TMEM178B: variants seen among roughly 807,000 people sequenced by gnomAD.
TMEM178B encodes transmembrane protein 178B.
In TMEM178B, 5 loss-of-function variants were observed where a neutral mutation model predicts 31.0. The ratio of observed to expected loss-of-function variants is 0.16; its 90% confidence interval spans 0.08 to 0.34. The LOEUF (loss-of-function observed/expected upper bound fraction) is 0.34, where lower values mean the gene tolerates loss of function less well. TMEM178B is among the 10% of genes least tolerant of loss of function. TMEM178B has a pLI of 1.00. For missense variants in TMEM178B, 275 were observed against 400.3 expected, an observed-to-expected ratio of 0.69 and a Z score of 2.67; for synonymous variants, 164 against 164.0, an observed-to-expected ratio of 1.00 and a Z score of 0.00.
chr7:141,383,904 G>A lies in TMEM178B; in HGVS notation c.497-53704G>A, dbSNP rs562519424. 2.2e-3 allele frequency among the ~76,000 whole-genome samples: 328 copies of A among 152,170 alleles called. 3 individuals carry two copies. The highest frequency in any genetic ancestry group is 7.6e-3 in the African/African-American group (317 of 41,528). On this transcript the variant is annotated intron_variant, in intron 2 of 3. Coordinates refer to ENST00000565468, the MANE Select transcript of TMEM178B (RefSeq NM_001195278.2). ...GTTGTTTCCTGACTTTTTAATGATC[G>A]CCATTCTAACTGGTGTGAGATGGTA...
chr7:141,330,421 C>T (rs529610094), intron 2 of TMEM178B, among the ~76,000 whole-genome samples: 3 of 152,272 alleles, frequency 2.0e-5, no homozygotes, highest in Non-Finnish European at 2.9e-5. Flanking sequence ...TAATGACTTC[C>T]GGCTCCATCC....
rs919420332 is a variant in TMEM178B, at chr7:141,479,769, A to C, written c.*8983A>C. The C allele has an allele frequency of 3.9e-5, 6 of 152,226 alleles. No individual in the cohort carries two copies. 9.4% of individuals were successfully genotyped at this position (152,226 alleles called of 1,614,324 possible). ...TTTATGGCCCACCAGATTATTGCTCAGTCAATATAAATTTATTTACCTTTA... is the reference window on the plus strand; with the variant it reads ...TTTATGGCCCACCAGATTATTGCTCCGTCAATATAAATTTATTTACCTTTA... On this transcript the variant is annotated 3_prime_UTR_variant, in exon 4 of 4. Coordinates refer to ENST00000565468, the MANE Select transcript of TMEM178B (RefSeq NM_001195278.2).
intron 3 of TMEM178B, among the ~76,000 whole-genome samples, chr7:141,462,367 G>A (rs1306560312): frequency 2.6e-5 from 4 of 152,062 alleles, no homozygotes; most frequent in African/African-American, 7.2e-5. Context: ...TGAATATACC[G>A]TGCCCCTGGG....
At chr7:141,316,021 G>A (rs1051311000) in intron 2 of TMEM178B, among the ~76,000 whole-genome samples, 3 of 152,124 alleles carry the variant, frequency 2.0e-5, no homozygotes, top group African/African-American at 7.2e-5. Flanking sequence ...CTAAAGACAT[G>A]TCAGCTCATT....
intron 2 of TMEM178B, among the ~76,000 whole-genome samples, chr7:141,257,635 G>A (rs913719859): frequency 2.0e-5 from 3 of 152,170 alleles, no homozygotes; most frequent in Non-Finnish European, 4.4e-5. Context: ...CTCAGCTCTT[G>A]ATATGTGTGC....
chr7:141,272,315 A>G (rs977129008), intron 2 of TMEM178B, among the ~76,000 whole-genome samples: 1 of 152,226 alleles, frequency 6.6e-6, no homozygotes, highest in African/African-American at 2.4e-5. Flanking sequence ...GCAGGAATGC[A>G]TCTCACTGAA....
intron 2 of TMEM178B, among the ~76,000 whole-genome samples, chr7:141,407,398 T>C (rs918839561): frequency 2.6e-5 from 4 of 152,238 alleles, no homozygotes; most frequent in African/African-American, 9.6e-5. Context: ...TAACTATGCT[T>C]CTTCTTTGTA....
At chr7:141,093,841 G>A (rs905215006) in intron 1 of TMEM178B, among the ~76,000 whole-genome samples, 1 of 152,140 alleles carries the variant, frequency 6.6e-6, no homozygotes, top group African/African-American at 2.4e-5. Context: ...CTTGAATTTT[G>A]GATTTCACAA....
chr7:141,464,453 C>T lies in TMEM178B; in HGVS notation c.635-6083C>T, dbSNP rs190600934. Among the ~76,000 whole-genome samples, 745 of 152,284 alleles carry T rather than the reference C, an allele frequency of 4.9e-3. 8 individuals carry two copies. The highest frequency in any genetic ancestry group is 0.017 in the African/African-American group (721 of 41,550). On this transcript the variant is annotated intron_variant, in intron 3 of 3. Coordinates refer to ENST00000565468, the MANE Select transcript of TMEM178B (RefSeq NM_001195278.2). ...GATAACAAACTCAGGTCTCTTCACC[C>T]TCAGTCTGATACTATTTTCACTTCA...
intron 2 of TMEM178B, among the ~76,000 whole-genome samples, chr7:141,251,687 T>C (rs1797836150): frequency 6.6e-6 from 1 of 152,178 alleles, no homozygotes; most frequent in African/African-American, 2.4e-5. Context: ...TTACCCCAGG[T>C]ATACTTTATC....
At chr7:141,115,065 C>T (rs1461673018) in intron 1 of TMEM178B, among the ~76,000 whole-genome samples, 6 of 151,832 alleles carry the variant, frequency 4.0e-5, no homozygotes, top group African/African-American at 1.5e-4. Flanking sequence ...GTGTTTGTGA[C>T]AGAGTCTCGC....
intron 1 of TMEM178B, among the ~76,000 whole-genome samples, chr7:141,134,532 C>T (rs1795644038): frequency 6.6e-6 from 1 of 152,002 alleles, no homozygotes; most frequent in Admixed American, 6.6e-5. Flanking sequence ...AGAGCAGACA[C>T]ATAATGGGAA....
intron 2 of TMEM178B, among the ~76,000 whole-genome samples, chr7:141,428,179 C>T (rs1308348815): frequency 6.6e-6 from 1 of 151,846 alleles, no homozygotes; most frequent in Admixed American, 6.6e-5. Flanking sequence ...GCCTGACCAA[C>T]ATGGAGAAAC....
intron 1 of TMEM178B, among the ~76,000 whole-genome samples, chr7:141,093,729 G>A (rs571612568): frequency 2.0e-5 from 3 of 152,340 alleles, no homozygotes; most frequent in African/African-American, 7.2e-5. Flanking sequence ...ATTCGGGAAA[G>A]TGTGCTGTCC....
chr7:141,259,987 G>A (rs998262296), intron 2 of TMEM178B, among the ~76,000 whole-genome samples: 2 of 152,150 alleles, frequency 1.3e-5, no homozygotes, highest in Admixed American at 6.5e-5. Flanking sequence ...CTGAGTGTGA[G>A]CACAGCCTTG....
intron 2 of TMEM178B, among the ~76,000 whole-genome samples, chr7:141,232,421 C>T (rs896005363): frequency 2.0e-5 from 3 of 152,190 alleles, no homozygotes; most frequent in Admixed American, 6.5e-5. Context: ...TTTACATTCC[C>T]ACCGACAGTG....
At chr7:141,117,080 G>A (rs1254935782) in intron 1 of TMEM178B, among the ~76,000 whole-genome samples, 2 of 152,152 alleles carry the variant, frequency 1.3e-5, no homozygotes, top group East Asian at 3.9e-4. Context: ...GATCCTTGAG[G>A]AATCACCACA....
intron 2 of TMEM178B, among the ~76,000 whole-genome samples, chr7:141,395,868 TAA>T (rs1411280343): frequency 2.0e-5 from 3 of 152,124 alleles, no homozygotes; most frequent in African/African-American, 7.2e-5. Flanking sequence ...CCACATATAA[TAA>T]ACAGCGTCAC....
chr7:141,231,409 G>A (rs1254052495), intron 2 of TMEM178B, among the ~76,000 whole-genome samples: 4 of 151,942 alleles, frequency 2.6e-5, no homozygotes, highest in African/African-American at 9.7e-5. Context: ...TTCTCCAGAG[G>A]CAATCCATTA....
Sources: gnomAD v4.1 joint callset for allele counts (sites outside exome capture counted in the v4.1 genomes callset) on GRCh38, gnomAD v4.1.1 for gene constraint, MANE v1.5 for transcripts, NCBI Gene and HGNC (gene_info 2026-07-23, HGNC 2026-07-21) for gene names.